C5AR1: variants seen among roughly 807,000 people sequenced by gnomAD.
The protein encoded by C5AR1 is complement C5a receptor 1.
A neutral mutation model predicts 2.4 loss-of-function variants in C5AR1; 4 were observed. That is an observed-to-expected ratio of 1.65 (90% CI 0.81 to 3.77). The LOEUF is 3.77. Ranked by LOEUF, C5AR1 falls within the 30% of genes most tolerant of loss-of-function variation. C5AR1 has a pLI of 0.01. For synonymous variants in C5AR1, 209 were observed against 210.4 expected, an observed-to-expected ratio of 0.99 and a Z score of 0.06; for missense variants, 418 against 462.5, an observed-to-expected ratio of 0.90 and a Z score of 0.88.
At chr19:47,309,923 C>G (rs750015646) in intron 1 of C5AR1, 25 bp downstream of exon 1, 1 of 1,608,368 alleles carries the variant, frequency 6.2e-7, no homozygotes, top group Non-Finnish European at 8.5e-7. Flanking sequence ...GGAATGGGAG[C>G]AGGAAACTTT....
At position 47,320,586 on chromosome 19, in the gene C5AR1, C is replaced by T. The variant is rs1018568651; in HGVS notation, c.809C>T (p.Pro270Leu). The T allele has an allele frequency of 1.2e-6, 2 of 1,614,046 alleles. No homozygotes were observed. The highest frequency in any genetic ancestry group is 1.7e-6 in the Non-Finnish European group (2 of 1,179,960). Residue 270 changes from proline (P) to leucine (L), a missense_variant, in exon 2 of 2, where the codon CCA (proline) becomes CTA (leucine). Coordinates refer to ENST00000355085, the MANE Select transcript of C5AR1 (RefSeq NM_001736.4). This position sits in a 1 kb window ranked among gnomAD's most constrained non-coding sequence, Gnocchi z 4.9. ...GGGATAATGATGTCCTTCCTGGAGC[C>T]ATCGTCACCCACCTTCCTGCTGCTG... is the stretch of plus-strand genomic sequence containing the variant. ...VTGIMMSFLE[P>L]SSPTFLLLKK...
rs201176938 is a variant in C5AR1 at position 47,321,969 on chromosome 19, A to T, written c.*1139A>T. ...ATTTCTATAATGTTGTCATTTCAAG[A>T]ATGTTATTCAATGGAATCATATAGT... On this transcript the variant is annotated 3_prime_UTR_variant, in exon 2 of 2. Transcript: ENST00000355085. The T allele has an allele frequency of 6.6e-6, 1 of 152,092 alleles. No individual in the cohort carries two copies. Among genetic ancestry groups the T allele is most frequent in the Admixed American group, 6.6e-5 (1 of 15,246 alleles). 9.4% of individuals were successfully genotyped at this position (152,092 alleles called of 1,614,324 possible). A position where few individuals can be genotyped will look rare whatever the true frequency, so the allele number is the denominator to read the frequency against.
chr19:47,309,546 G>A (rs1483568018), upstream of C5AR1, among the ~76,000 whole-genome samples: 1 of 146,566 alleles, frequency 6.8e-6, no homozygotes, highest in East Asian at 2.0e-4. Context: ...CTCCACTGCA[G>A]CCTGGGCGAC....
chr19:47,320,818 C>A lies in C5AR1; in HGVS notation c.1041C>A (p.Thr347=), dbSNP rs140790058. ...CAGTGGACACTATGGCCCAGAAGAC[C>A]CAGGCAGTGTAGGCGACAGCCTCAT... ...RSTVDTMAQK[T]QAV Residue 347 remains threonine, a synonymous_variant, in exon 2 of 2, where the codon ACC becomes ACA. Transcript: ENST00000355085. The surrounding 1 kb of genome is among the most constrained non-coding windows in gnomAD (Gnocchi z 4.9). 1.5e-5 allele frequency: 24 copies of A among 1,609,478 alleles called. No individual in the cohort carries two copies. In the African/African-American group the frequency reaches 3.2e-4, roughly 22 times the overall value.
intron 1 of C5AR1, among the ~76,000 whole-genome samples, chr19:47,314,552 C>T (rs994701361): frequency 6.6e-6 from 1 of 151,990 alleles, no homozygotes; most frequent in Non-Finnish European, 1.5e-5. Flanking sequence ...CGCACGCCAC[C>T]ACTCCTGGCT....
intron 1 of C5AR1, among the ~76,000 whole-genome samples, chr19:47,315,501 G>A (rs758516218): frequency 6.6e-6 from 1 of 152,170 alleles, no homozygotes; most frequent in African/African-American, 2.4e-5. Context: ...CTCCCCTTAC[G>A]AGGGTCTGAG....
Position 47,320,274 on chromosome 19 carries a change from T to C in C5AR1, c.497T>C (p.Leu166Pro). The change falls in exon 2 of 2, where the codon CTG becomes CCG. Residue 166 changes from leucine to proline, a missense_variant. Transcript: ENST00000355085. The surrounding 1 kb of genome is among the most constrained non-coding windows in gnomAD (Gnocchi z 4.9). ...GCCGTGGCTTGGGGTTTAGCCCTGC[T>C]GCTGACCATACCCTCCTTCCTGTAC... is the stretch of plus-strand genomic sequence containing the variant. Reference protein sequence around the residue: ...ACAVAWGLALLLTIPSFLYRV... With the variant: ...ACAVAWGLALPLTIPSFLYRV... The C allele has an allele frequency of 6.2e-7, 1 of 1,613,494 alleles. No homozygotes were observed. Among genetic ancestry groups the C allele is most frequent in the African/African-American group, 1.3e-5 (1 of 75,072 alleles).
At chr19:47,315,409 CTGAG>C (rs1361731661) in intron 1 of C5AR1, among the ~76,000 whole-genome samples, 6 of 152,264 alleles carry the variant, frequency 3.9e-5, no homozygotes, top group South Asian at 4.1e-4. Flanking sequence ...GAGGAAAGGA[CTGAG>C]TGAGCTCATG....
At chr19:47,317,979 CAAAA>C (rs35762293) in intron 1 of C5AR1, among the ~76,000 whole-genome samples, 1 of 134,300 alleles carries the variant, frequency 7.4e-6, no homozygotes, top group Non-Finnish European at 1.6e-5. Flanking sequence ...GACTCCATCT[CAAAA>C]AAAAAAAAAA....
intron 1 of C5AR1, among the ~76,000 whole-genome samples, chr19:47,313,447 C>A (rs1261402712): frequency 6.6e-6 from 1 of 151,914 alleles, no homozygotes; most frequent in East Asian, 1.9e-4. Context: ...GCCTGGTAGC[C>A]ACTCAAACAG....
intron 1 of C5AR1, among the ~76,000 whole-genome samples, chr19:47,318,771 A>G (rs567487115): frequency 1.4e-4 from 22 of 152,030 alleles, no homozygotes; most frequent in Non-Finnish European, 2.9e-5. Context: ...GATTTCACCT[A>G]CAAGGCTTTC....
intron 1 of C5AR1, among the ~76,000 whole-genome samples, chr19:47,314,421 G>A (rs1211592879): frequency 6.6e-6 from 1 of 152,074 alleles, no homozygotes; most frequent in Non-Finnish European, 1.5e-5. Context: ...TTTTGAGATG[G>A]AGTTTTGCTC....
chr19:47,320,452 C>T lies in C5AR1; in HGVS notation c.675C>T (p.Ile225=), dbSNP rs1198340374. The part of the protein sequence containing the change: ...LLTLTICYTF[I]LLRTWSRRAT... ...CGCTCACGATTTGTTACACTTTCATCCTGCTCCGGACGTGGAGCCGCAGGG... is the reference window on the plus strand; with the variant it reads ...CGCTCACGATTTGTTACACTTTCATTCTGCTCCGGACGTGGAGCCGCAGGG... The change falls in exon 2 of 2, where the codon ATC becomes ATT. Residue 225 remains isoleucine (I), a synonymous_variant. Coordinates refer to ENST00000355085, the MANE Select transcript of C5AR1 (RefSeq NM_001736.4). The surrounding 1 kb of genome is among the most constrained non-coding windows in gnomAD (Gnocchi z 4.9). 1.9e-6 allele frequency: 3 copies of T among 1,612,394 alleles called. No individual in the cohort carries two copies. In the African/African-American group the frequency reaches 4.0e-5, roughly 22 times the overall value.
Position 47,320,555 on chromosome 19 carries a change from G to A in C5AR1, c.778G>A (p.Val260Met). Reference sequence around the variant, plus strand: ...CTTTATCTTCTGGTTGCCCTACCAGGTGACGGGGATAATGATGTCCTTCCT... The same window carrying A: ...CTTTATCTTCTGGTTGCCCTACCAGATGACGGGGATAATGATGTCCTTCCT... ...SFFIFWLPYQ[V>M]TGIMMSFLEP... Residue 260 changes from valine (V) to methionine (M), a missense_variant, in exon 2 of 2, where the codon GTG (valine) becomes ATG (methionine). Physicochemically the swap from Val to Met is conservative, Grantham distance 21. Transcript: ENST00000355085. The surrounding 1 kb of genome is among the most constrained non-coding windows in gnomAD (Gnocchi z 4.9). 2 of 1,613,956 alleles carry A rather than the reference G, an allele frequency of 1.2e-6. No homozygotes were observed. Among genetic ancestry groups the A allele is most frequent in the Non-Finnish European group, 1.7e-6 (2 of 1,179,986 alleles).
chr19:47,315,237 T>A (rs1040598066), intron 1 of C5AR1, among the ~76,000 whole-genome samples: 9 of 152,160 alleles, frequency 5.9e-5, no homozygotes, highest in Admixed American at 3.3e-4. Flanking sequence ...GGATGTACCA[T>A]CATTAATTTA....
At chr19:47,310,874 G>C (rs901615352) in intron 1 of C5AR1, among the ~76,000 whole-genome samples, 2 of 152,186 alleles carry the variant, frequency 1.3e-5, no homozygotes, top group Admixed American at 6.6e-5. Context: ...GACCCTCCAT[G>C]GTTGGTGGCA....
chr19:47,308,728 G>T (rs2059261185), upstream of C5AR1, among the ~76,000 whole-genome samples: 1 of 149,102 alleles, frequency 6.7e-6, no homozygotes. Flanking sequence ...GCTAATTTTT[G>T]TATTTTTAGT....
At position 47,321,125 on chromosome 19, in the gene C5AR1, G is replaced by C. The variant is rs2059309708; in HGVS notation, c.*295G>C. 8.9e-6 allele frequency: 2 copies of C among 224,926 alleles called. No individual in the cohort carries two copies. The highest frequency in any genetic ancestry group is 1.7e-5 in the Non-Finnish European group (2 of 117,898). 13.9% of individuals were successfully genotyped at this position (224,926 alleles called of 1,614,324 possible). A position where few individuals can be genotyped will look rare whatever the true frequency, so the allele number is the denominator to read the frequency against. ...AAACAAACAGAAACCCGTGTATCTG[G>C]GATATTTCCATATGGCAATAGGTGT... On this transcript the variant is annotated 3_prime_UTR_variant, in exon 2 of 2. Transcript: ENST00000355085.
chr19:47,318,908 T>TG (rs1439672558), intron 1 of C5AR1, among the ~76,000 whole-genome samples: 61 of 123,502 alleles, frequency 4.9e-4, no homozygotes, highest in African/African-American at 1.8e-3. Context: ...TTTTTTTAGA[T>TG]GGAGTCTCAC....
Sources: gnomAD v4.1 joint callset for allele counts (sites outside exome capture counted in the v4.1 genomes callset) on GRCh38, gnomAD v4.1.1 for gene constraint, Gnocchi (gnomAD v3.1) non-coding constraint, MANE v1.5 for transcripts, NCBI Gene and HGNC (gene_info 2026-07-23, HGNC 2026-07-21) for gene names.